Variants in MAGI2 observed in about 807,000 individuals in gnomAD.
MAGI2 encodes the protein membrane associated guanylate kinase, WW and PDZ domain containing 2.
MAGI2 carries 35 observed loss-of-function variants against 133.3 expected under a neutral mutation model. That is an observed-to-expected ratio of 0.26 (90% CI 0.20 to 0.35). The LOEUF (loss-of-function observed/expected upper bound fraction) is 0.35, where lower values mean the gene tolerates loss of function less well. Ranked by LOEUF, MAGI2 falls within the 10% of genes least tolerant of loss-of-function variation. MAGI2 has a pLI of 1.00. For synonymous variants in MAGI2, 729 were observed against 710.6 expected (o/e 1.03, Z -0.41); for missense variants, 1,636 against 1,863.4 (o/e 0.88, Z 2.25).
intron 3 of MAGI2, among the ~76,000 whole-genome samples, chr7:78,592,869 C>G (rs1400895745): frequency 1.5e-5 from 2 of 134,316 alleles, no homozygotes; most frequent in Admixed American, 8.0e-5. Context: ...GGGTCTCGCT[C>G]TGTTGCCCAG....
intron 9 of MAGI2, among the ~76,000 whole-genome samples, chr7:78,289,002 A>G (rs1439415978): frequency 6.6e-6 from 1 of 152,196 alleles, no homozygotes; most frequent in Non-Finnish European, 1.5e-5. Flanking sequence ...ATGGGGAGAA[A>G]ACAGAGCAGA....
At chr7:79,443,550 G>T (rs1424397636) in intron 1 of MAGI2, among the ~76,000 whole-genome samples, 3 of 152,080 alleles carry the variant, frequency 2.0e-5, no homozygotes, top group African/African-American at 4.8e-5. Flanking sequence ...TAATCTGTGG[G>T]TTTCTATAGC....
chr7:78,498,947 T>C (rs1258775662), intron 5 of MAGI2, among the ~76,000 whole-genome samples: 1 of 152,096 alleles, frequency 6.6e-6, no homozygotes, highest in Non-Finnish European at 1.5e-5. Context: ...ACAGATGAAA[T>C]TGTTTCCTCC....
chr7:78,271,082 C>T (rs1485641853), intron 9 of MAGI2, among the ~76,000 whole-genome samples: 8 of 152,104 alleles, frequency 5.3e-5, no homozygotes, highest in Admixed American at 5.2e-4. Context: ...TTTCCTATAT[C>T]AGTATGATAT....
intron 16 of MAGI2, among the ~76,000 whole-genome samples, chr7:78,141,906 C>T (rs1261030949): frequency 6.6e-6 from 1 of 152,200 alleles, no homozygotes; most frequent in Non-Finnish European, 1.5e-5. Context: ...GAGAAACACT[C>T]AGCAGCCATA....
At chr7:78,091,147 A>C (rs1817168645) in intron 20 of MAGI2, among the ~76,000 whole-genome samples, 1 of 151,998 alleles carries the variant, frequency 6.6e-6, no homozygotes, top group Admixed American at 6.6e-5. Context: ...TAAATTAAGG[A>C]AGTGGTTGCT....
At chr7:78,089,383 G>A (rs774854289) in intron 20 of MAGI2, among the ~76,000 whole-genome samples, 4 of 152,178 alleles carry the variant, frequency 2.6e-5, no homozygotes, top group African/African-American at 4.8e-5. Context: ...GGGGGAGAAG[G>A]TAGAATAAAG....
chr7:78,257,360 T>C (rs1793096284), intron 9 of MAGI2, among the ~76,000 whole-genome samples: 1 of 152,184 alleles, frequency 6.6e-6, no homozygotes. Flanking sequence ...TAAAATAGGA[T>C]GGAGGAGATT....
intron 1 of MAGI2, among the ~76,000 whole-genome samples, chr7:79,440,105 G>A (rs1334925317): frequency 6.6e-6 from 1 of 151,622 alleles, no homozygotes; most frequent in Non-Finnish European, 1.5e-5. Context: ...TCTTAGTTCA[G>A]TCTTAGTTTC....
intron 4 of MAGI2, among the ~76,000 whole-genome samples, chr7:78,509,912 T>C (rs1377845493): frequency 6.6e-6 from 1 of 152,236 alleles, no homozygotes; most frequent in African/African-American, 2.4e-5. Context: ...GAAAAATTTA[T>C]TCCTTTAAAC....
intron 1 of MAGI2, among the ~76,000 whole-genome samples, chr7:79,110,946 A>G (rs574041633): frequency 2.6e-5 from 4 of 152,106 alleles, no homozygotes; most frequent in Non-Finnish European, 4.4e-5. Context: ...TGCTTTCACC[A>G]TGTGATGTGC....
intron 21 of MAGI2, among the ~76,000 whole-genome samples, chr7:78,058,546 A>C (rs1056906202): frequency 1.3e-5 from 2 of 149,230 alleles, no homozygotes; most frequent in Non-Finnish European, 3.0e-5. Context: ...ATCTCGGCTC[A>C]CTGCAAACTC....
intron 10 of MAGI2, among the ~76,000 whole-genome samples, chr7:78,242,260 GAGTT>G (rs1275580084): frequency 1.3e-5 from 2 of 152,184 alleles, no homozygotes; most frequent in Non-Finnish European, 2.9e-5. Flanking sequence ...TTTTAGCTGT[GAGTT>G]AGAGAGAGGA....
intron 1 of MAGI2, among the ~76,000 whole-genome samples, chr7:79,436,266 T>C (rs1409901915): frequency 7.2e-6 from 1 of 139,298 alleles, no homozygotes; most frequent in Non-Finnish European, 1.5e-5. Flanking sequence ...AGCTAATAAA[T>C]ATGCTTCTGG....
chr7:79,260,385 TACATACATACATACATAC>T (rs2129556352), intron 1 of MAGI2, among the ~76,000 whole-genome samples: 1 of 150,716 alleles, frequency 6.6e-6, no homozygotes, highest in East Asian at 1.9e-4. Context: ...CATACATACA[TACATACATACATACATAC>T]ATACATACAT....
chr7:78,781,093 G>C (rs73137205), intron 2 of MAGI2, among the ~76,000 whole-genome samples: 4,706 of 152,158 alleles, frequency 0.031, 112 homozygotes, highest in Non-Finnish European at 0.042. Flanking sequence ...TACAGCAGAG[G>C]GATGGCCGGG....
intron 1 of MAGI2, among the ~76,000 whole-genome samples, chr7:79,203,378 A>G (rs574585375): frequency 1.3e-5 from 2 of 152,176 alleles, no homozygotes; most frequent in South Asian, 2.1e-4. Flanking sequence ...ATTATTTTCC[A>G]TAAAGCCCTA....
chr7:78,640,024 C>T (rs368453405), intron 2 of MAGI2, among the ~76,000 whole-genome samples: 9 of 152,060 alleles, frequency 5.9e-5, no homozygotes, highest in East Asian at 1.9e-4. Context: ...TTTTAGTATT[C>T]GACACACAAC....
At chr7:78,963,003 G>T (rs1049968257) in intron 2 of MAGI2, among the ~76,000 whole-genome samples, 13 of 152,026 alleles carry the variant, frequency 8.6e-5, no homozygotes, top group African/African-American at 2.7e-4. Flanking sequence ...TAAGCTTTAA[G>T]TATTTTTGGG....
Sources: gnomAD v4.1 joint callset for allele counts (sites outside exome capture counted in the v4.1 genomes callset) on GRCh38, gnomAD v4.1.1 for gene constraint, MANE v1.5 for transcripts, NCBI Gene and HGNC (gene_info 2026-07-23, HGNC 2026-07-21) for gene names.